NRXN3: variants seen among roughly 807,000 people sequenced by gnomAD.
The protein encoded by NRXN3 is neurexin III.
Under a neutral mutation model 137.6 loss-of-function variants are expected in NRXN3, and 32 were observed. That is an observed-to-expected ratio of 0.23 (90% CI 0.18 to 0.31). The LOEUF is 0.31. Among genes scored for constraint, NRXN3 ranks in the 10% least tolerant of loss-of-function variants. The pLI is 1.00. For synonymous variants in NRXN3, 798 were observed against 784.5 expected (o/e 1.02, Z -0.29); for missense variants, 1,574 against 2,062.5 (o/e 0.76, Z 4.59).
chr14:79,101,604 G>A (rs1024909823), intron 15 of NRXN3, among the ~76,000 whole-genome samples: 2 of 152,176 alleles, frequency 1.3e-5, no homozygotes, highest in Non-Finnish European at 1.5e-5. Context: ...CTCTGACCAC[G>A]AGACAGCTTC....
chr14:79,270,616 G>A (rs2153424784), intron 15 of NRXN3, among the ~76,000 whole-genome samples: 1 of 152,206 alleles, frequency 6.6e-6, no homozygotes, highest in Middle Eastern at 3.4e-3. Context: ...ATCATGTAGG[G>A]AACCCAGATA....
At chr14:79,086,039 C>T (rs2048030295) in intron 15 of NRXN3, among the ~76,000 whole-genome samples, 1 of 152,152 alleles carries the variant, frequency 6.6e-6, no homozygotes, top group African/African-American at 2.4e-5. Context: ...AGCTGCAGCG[C>T]TTCTAGATTC....
At chr14:78,207,561 C>A (rs1382399293) in intron 1 of NRXN3, among the ~76,000 whole-genome samples, 2 of 152,128 alleles carry the variant, frequency 1.3e-5, no homozygotes, top group Non-Finnish European at 2.9e-5. Flanking sequence ...AATATTGAAT[C>A]CATAGTAAGT....
rs187565287 is a variant in NRXN3, at chr14:79,795,793, G to A, written c.4015-9319G>A. ...AGTTGTATTTTATATTCACTTCATT[G>A]CATTTGATTGTTCTGGATAAGTTTT... On this transcript the variant is annotated intron_variant, in intron 19 of 20. Coordinates refer to ENST00000335750, the MANE Select transcript of NRXN3 (RefSeq NM_001330195.2). Among the ~76,000 whole-genome samples, 35 of 152,080 alleles carry A rather than the reference G, an allele frequency of 2.3e-4. No individual in the cohort carries two copies. The East Asian group carries it at 6.0e-3, about 26-fold the overall frequency.
chr14:79,142,263 T>C (rs925030260), intron 15 of NRXN3, among the ~76,000 whole-genome samples: 3 of 151,864 alleles, frequency 2.0e-5, no homozygotes, highest in Non-Finnish European at 4.4e-5. Context: ...TCATCTCTAC[T>C]AAAAATACAA....
chr14:78,942,099 A>C (rs919962236), intron 10 of NRXN3, among the ~76,000 whole-genome samples: 9 of 152,236 alleles, frequency 5.9e-5, no homozygotes, highest in African/African-American at 2.2e-4. Context: ...AATGTGGCAC[A>C]GTAGCTCAGA....
chr14:79,707,913 A>G (rs930585068), intron 19 of NRXN3, among the ~76,000 whole-genome samples: 69 of 152,312 alleles, frequency 4.5e-4, no homozygotes, highest in African/African-American at 1.6e-3. Flanking sequence ...AATTATTGCT[A>G]TAAGAATTAC....
intron 15 of NRXN3, among the ~76,000 whole-genome samples, chr14:79,314,321 C>T (rs1264468558): frequency 1.3e-4 from 12 of 95,712 alleles, no homozygotes; most frequent in African/African-American, 4.6e-4. Flanking sequence ...CCTGGAAAAT[C>T]GGGTCACTCC....
chr14:79,671,972 C>A (rs2098610088), intron 17 of NRXN3, among the ~76,000 whole-genome samples: 1 of 151,960 alleles, frequency 6.6e-6, no homozygotes, highest in Non-Finnish European at 1.5e-5. Context: ...ATACATAGCT[C>A]AAGGTTATTT....
At chr14:79,054,538 C>T (rs556517575) in intron 15 of NRXN3, among the ~76,000 whole-genome samples, 1 of 152,158 alleles carries the variant, frequency 6.6e-6, no homozygotes, top group Non-Finnish European at 1.5e-5. Context: ...GGGATTTGCT[C>T]TCTGTGCAAG....
intron 8 of NRXN3, among the ~76,000 whole-genome samples, chr14:78,732,617 T>C (rs1294643971): frequency 6.6e-6 from 1 of 152,108 alleles, no homozygotes. Context: ...TCTCTAGGAG[T>C]TTTATTTCTT....
intron 4 of NRXN3, among the ~76,000 whole-genome samples, chr14:78,570,745 C>T (rs995440952): frequency 1.3e-5 from 2 of 152,308 alleles, no homozygotes; most frequent in Non-Finnish European, 1.5e-5. Context: ...GCAGACAAAG[C>T]GTAATTTACA....
chr14:79,422,782 C>G lies in NRXN3; in HGVS notation c.3263-44439C>G, dbSNP rs7155294. 3.8e-3 allele frequency among the ~76,000 whole-genome samples: 570 copies of G among 151,128 alleles called. 1 individual carries two copies. Among genetic ancestry groups the G allele is most frequent in the South Asian group, 9.7e-3 (46 of 4,744 alleles). On this transcript the variant is annotated intron_variant, in intron 15 of 20. Coordinates refer to ENST00000335750, the MANE Select transcript of NRXN3 (RefSeq NM_001330195.2). ...TGGCACAATCTCGGCTCACTGCAAC[C>G]TCCGCCTCCCAGGTTCAAGCAATTC...
chr14:79,808,467 C>T (rs2099218990), intron 20 of NRXN3, among the ~76,000 whole-genome samples: 1 of 151,906 alleles, frequency 6.6e-6, no homozygotes, highest in Non-Finnish European at 1.5e-5. Context: ...TACATTACCA[C>T]TAAGATTAAA....
chr14:78,939,065 T>A (rs2099348023), intron 10 of NRXN3, among the ~76,000 whole-genome samples: 1 of 151,964 alleles, frequency 6.6e-6, no homozygotes, highest in Non-Finnish European at 1.5e-5. Flanking sequence ...CAGGATGGTC[T>A]CGATCTCCTG....
chr14:79,185,467 A>T (rs1430341139), intron 15 of NRXN3, among the ~76,000 whole-genome samples: 8 of 144,206 alleles, frequency 5.5e-5, no homozygotes, highest in African/African-American at 7.7e-5. Flanking sequence ...ACACTTGGGA[A>T]TTTTTTTTTT....
intron 4 of NRXN3, among the ~76,000 whole-genome samples, chr14:78,642,101 C>G (rs2097640803): frequency 6.6e-6 from 1 of 152,150 alleles, no homozygotes; most frequent in Non-Finnish European, 1.5e-5. Flanking sequence ...TGCACAGTTC[C>G]ATGGAATCAT....
At chr14:78,936,644 A>G (rs1421980829) in intron 10 of NRXN3, among the ~76,000 whole-genome samples, 1 of 152,174 alleles carries the variant, frequency 6.6e-6, no homozygotes, top group East Asian at 1.9e-4. Flanking sequence ...AAACTTATAA[A>G]ATTGTACACC....
chr14:78,446,236 AT>A (rs1341017671), intron 4 of NRXN3, among the ~76,000 whole-genome samples: 1 of 152,110 alleles, frequency 6.6e-6, no homozygotes, highest in East Asian at 1.9e-4. Context: ...AATTTAGCCT[AT>A]TCCCTCTCTT....
Sources: gnomAD v4.1 joint callset for allele counts (sites outside exome capture counted in the v4.1 genomes callset) on GRCh38, gnomAD v4.1.1 for gene constraint, MANE v1.5 for transcripts, NCBI Gene and HGNC (gene_info 2026-07-23, HGNC 2026-07-21) for gene names.